The following CSF1 variants were observed in gnomAD, a reference collection of about 807,000 sequenced individuals.
The protein encoded by CSF1 is macrophage colony-stimulating factor 1.
In CSF1, 9 loss-of-function variants were observed where a neutral mutation model predicts 48.9. That is an observed-to-expected ratio of 0.18 (90% CI 0.11 to 0.32). The LOEUF (loss-of-function observed/expected upper bound fraction) is 0.32. Ranked by LOEUF, CSF1 falls within the 10% of genes least tolerant of loss-of-function variation. CSF1 has a pLI of 1.00. For synonymous variants in CSF1, 305 were observed against 284.1 expected (o/e 1.07, Z -0.74); for missense variants, 672 against 697.9 (o/e 0.96, Z 0.42).
chr1:109,910,736 A>T (rs1654638540), upstream of CSF1: 3 of 268,638 alleles, frequency 1.1e-5, no homozygotes, highest in South Asian at 1.3e-4. Flanking sequence ...TGTCTGTGTC[A>T]GTGTGTGTGT....
chr1:109,913,028 C>T (rs1444590612), intron 1 of CSF1, among the ~76,000 whole-genome samples: 3 of 152,234 alleles, frequency 2.0e-5, no homozygotes, highest in African/African-American at 7.2e-5. Flanking sequence ...TCACTGAGGT[C>T]CCTGCTCTCT....
intron 4 of CSF1, among the ~76,000 whole-genome samples, chr1:109,917,831 C>A (rs1008321265): frequency 1.3e-5 from 2 of 152,140 alleles, no homozygotes; most frequent in South Asian, 2.1e-4. Flanking sequence ...GTTCTAGACA[C>A]CAGGAAACAG....
intron 8 of CSF1, among the ~76,000 whole-genome samples, chr1:109,925,901 G>C (rs915290541): frequency 3.9e-5 from 6 of 152,048 alleles, no homozygotes; most frequent in Admixed American, 2.6e-4. Flanking sequence ...TTCCTCATGC[G>C]AGGCAAAACT....
intron 2 of CSF1, 68 bp downstream of exon 2, chr1:109,914,449 C>T (rs1314870927): frequency 2.0e-6 from 3 of 1,505,608 alleles, no homozygotes; most frequent in East Asian, 2.4e-5. Context: ...AGCCAGGGAG[C>T]AGGTCAAAGA....
chr1:109,921,726 G>A (rs942180732), intron 4 of CSF1, 121 bp from the exon 5 acceptor site: 16 of 1,269,190 alleles, frequency 1.3e-5, no homozygotes, highest in Non-Finnish European at 1.7e-5. Flanking sequence ...GGAAAGGGGA[G>A]CAAGGAAACA....
chr1:109,918,291 G>T (rs1409329350), intron 4 of CSF1, among the ~76,000 whole-genome samples: 1 of 152,158 alleles, frequency 6.6e-6, no homozygotes, highest in African/African-American at 2.4e-5. Flanking sequence ...AGTGAAGGAG[G>T]GGGAGGAGAG....
intron 4 of CSF1, among the ~76,000 whole-genome samples, chr1:109,919,927 AAAATAAATAAATAAATAAAT>A (rs35887432): frequency 0.69 from 100,816 of 146,288 alleles, 35,884 homozygotes; most frequent in East Asian, 0.78. Context: ...ACTCCATCTC[AAAATAAATAAATAAATAAAT>A]AAATAAATAA....
intron 5 of CSF1, 121 bp downstream of exon 5, chr1:109,922,115 C>T (rs761509089): frequency 9.3e-6 from 11 of 1,180,150 alleles, no homozygotes; most frequent in East Asian, 2.5e-5. Flanking sequence ...CTCGTGTTCC[C>T]GTGTGCATGA....
chr1:109,915,767 A>G, intron 3 of CSF1, 71 bp downstream of exon 3: 1 of 1,300,232 alleles, frequency 7.7e-7, no homozygotes, highest in Non-Finnish European at 1.1e-6. Context: ...TGTGTGGGGG[A>G]GCATGAAAGC....
Position 109,930,768 on chromosome 1 carries a change from G to T in CSF1, c.*1930G>T, listed in dbSNP as rs1648036308. 1 of 152,192 alleles carries T rather than the reference G, an allele frequency of 6.6e-6. No individual in the cohort carries two copies. Among genetic ancestry groups the T allele is most frequent in the Non-Finnish European group, 1.5e-5 (1 of 68,048 alleles). 9.4% of individuals were successfully genotyped at this position (152,192 alleles called of 1,614,324 possible). A position where few individuals can be genotyped will look rare whatever the true frequency, so the allele number is the denominator to read the frequency against. The stretch of plus-strand genomic sequence containing the variant: ...TCTTTTTGAGCACTTGGTGGCATCA[G>T]AGCAGGAGGAGCCCCAGAGCCACCT... On this transcript the variant is annotated 3_prime_UTR_variant, in exon 9 of 9. Transcript: ENST00000329608.
chr1:109,927,164 G>T (rs1647878150), intron 8 of CSF1, among the ~76,000 whole-genome samples: 1 of 152,262 alleles, frequency 6.6e-6, no homozygotes, highest in Non-Finnish European at 1.5e-5. Context: ...TTGGCTGGTT[G>T]GCTGACTAGC....
At position 109,923,538 on chromosome 1, in the gene CSF1, A is replaced by G; in HGVS notation, c.917A>G (p.Glu306Gly). Residue 306 changes from glutamate to glycine, a missense_variant, in exon 6 of 9, where the codon GAA (glutamate) becomes GGA (glycine). Around this residue, in one of 3 missense-constraint regions of CSF1, gnomAD observed 591 missense variants for 593.6 expected, o/e 1.00. Transcript: ENST00000329608. ...GCAATGGGCACTAATTGGGTCCCAGAAGAAGCCTCTGGAGAGGCCAGTGAG... is the reference window on the plus strand; with the variant it reads ...GCAATGGGCACTAATTGGGTCCCAGGAGAAGCCTCTGGAGAGGCCAGTGAG... ...DSAMGTNWVP[E>G]EASGEASEIP... is the part of the protein sequence containing the mutation. 2.5e-6 allele frequency: 4 copies of G among 1,614,192 alleles called. No individual in the cohort carries two copies. The highest frequency in any genetic ancestry group is 3.4e-6 in the Non-Finnish European group (4 of 1,180,016).
At chr1:109,914,420 C>T (rs1438569406) in intron 2 of CSF1, 39 bp downstream of exon 2, 1 of 1,531,076 alleles carries the variant, frequency 6.5e-7, no homozygotes, top group Non-Finnish European at 8.8e-7. Context: ...CTTCTCCCCA[C>T]TGGGGAAATG....
chr1:109,910,984 G>T lies in CSF1; in HGVS notation c.-40G>T. 8.6e-7 allele frequency: 1 copy of T among 1,163,594 alleles called. No individual in the cohort carries two copies. 72.1% of individuals were successfully genotyped at this position (1,163,594 alleles called of 1,614,324 possible). ...GCAGCCAGCGAGCGAGCGAGCGAGC[G>T]AGGGCGGCCGACGCGCCCGGCCGGG... On this transcript the variant is annotated 5_prime_UTR_variant, in exon 1 of 9. Transcript: ENST00000329608.
rs145602744 is a variant in CSF1, at chr1:109,914,294, C to A, written c.75C>A (p.Leu25=). The A allele has an allele frequency of 3.1e-6, 5 of 1,608,014 alleles. No individual in the cohort carries two copies. Among genetic ancestry groups the A allele is most frequent in the Non-Finnish European group, 4.2e-6 (5 of 1,177,108 alleles). Residue 25 remains leucine, a synonymous_variant, in exon 2 of 9, where the codon CTC becomes CTA. Transcript: ENST00000329608. ...GCTCCCTGCTGTTGTTGGTCTGTCT[C>A]CTGGCGAGCAGGAGTATCACCGAGG... is the stretch of plus-strand genomic sequence containing the variant. ...WLGSLLLLVC[L]LASRSITEEV... is the part of the protein sequence containing the mutation.
intron 8 of CSF1, chr1:109,926,457 G>A (rs1184966761): frequency 4.6e-5 from 7 of 152,272 alleles, no homozygotes; most frequent in Non-Finnish European, 7.3e-5. Context: ...GAAGTTGTGT[G>A]AAATCCTAAT....
At chr1:109,924,639 C>T in intron 6 of CSF1, 137 bp from the exon 7 acceptor site, 1 of 739,314 alleles carries the variant, frequency 1.4e-6, no homozygotes, top group Non-Finnish European at 2.3e-6. Context: ...GGGCCTCTGG[C>T]TGATCCCCAC....
At chr1:109,921,646 A>G (rs1389625728) in intron 4 of CSF1, among the ~76,000 whole-genome samples, 1 of 152,234 alleles carries the variant, frequency 6.6e-6, no homozygotes, top group Non-Finnish European at 1.5e-5. Context: ...GCACATAAAC[A>G]TATGTTGAAT....
At chr1:109,916,404 C>A (rs545774205) in intron 3 of CSF1, among the ~76,000 whole-genome samples, 2 of 152,272 alleles carry the variant, frequency 1.3e-5, no homozygotes, top group African/African-American at 4.8e-5. Flanking sequence ...CCCCATCACT[C>A]CAGAAGAAAG....
Sources: allele counts gnomAD v4.1 joint callset (sites outside exome capture counted in the v4.1 genomes callset), GRCh38; gene constraint gnomAD v4.1.1; regional missense constraint gnomAD v4.1.1; transcripts MANE v1.5; gene names NCBI Gene and HGNC (gene_info 2026-07-23, HGNC 2026-07-21).